TBC1D4: variants seen among roughly 807,000 people sequenced by gnomAD.
TBC1D4 encodes the protein TBC1 domain family member 4, also known as TBC (Tre-2, BUB2, CDC16) domain-containing protein.
TBC1D4 carries 121 observed loss-of-function variants against 142.5 expected under a neutral mutation model. The ratio of observed to expected loss-of-function variants is 0.85; its 90% confidence interval spans 0.73 to 0.99. TBC1D4 has a LOEUF of 0.99. Among genes scored for constraint, TBC1D4 ranks in the 50% least tolerant of loss-of-function variants. The pLI, the probability that TBC1D4 is intolerant of heterozygous loss-of-function variation, is 0.00. For missense variants in TBC1D4, 1,475 were observed against 1,606.6 expected (o/e 0.92, Z 1.40); for synonymous variants, 630 against 628.2 (o/e 1.00, Z -0.04).
At chr13:75,407,505 A>C (rs887927017) in intron 1 of TBC1D4, among the ~76,000 whole-genome samples, 1 of 152,248 alleles carries the variant, frequency 6.6e-6, no homozygotes, top group Admixed American at 6.5e-5. Context: ...GACAACATTT[A>C]CAACAAAATT....
intron 20 of TBC1D4, 51 bp downstream of exon 20, chr13:75,288,883 G>T: frequency 6.4e-7 from 1 of 1,568,392 alleles, no homozygotes; most frequent in Non-Finnish European, 8.8e-7. Flanking sequence ...GTAGTTCTGT[G>T]CATGCAGGAG....
At chr13:75,318,911 G>A (rs2137973160) in intron 12 of TBC1D4, among the ~76,000 whole-genome samples, 1 of 152,050 alleles carries the variant, frequency 6.6e-6, no homozygotes, top group East Asian at 1.9e-4. Context: ...ATATCCTTAT[G>A]ACCTAAGCTG....
At position 75,299,435 on chromosome 13, in the gene TBC1D4, G is replaced by A. The variant is rs768936828; in HGVS notation, c.3051C>T (p.Val1017=). ...GCTCTTCACTCATGTGCAGAAGCAG[G>A]ACTCCAGCCACAAAGCTGATCCCCT... ...YCQGISFVAG[V]LLLHMSEEQA... Residue 1017 remains valine (V), a synonymous_variant, in exon 17 of 21, where the codon GTC becomes GTT. Coordinates refer to ENST00000377636, the MANE Select transcript of TBC1D4 (RefSeq NM_014832.5). 1.2e-5 allele frequency: 19 copies of A among 1,614,062 alleles called. No homozygotes were observed. Among genetic ancestry groups the A allele is most frequent in the Non-Finnish European group, 1.4e-5 (17 of 1,180,024 alleles).
In TBC1D4 at chr13:75,341,102, T is replaced by C. The variant is rs778872652; in HGVS notation, c.1611+23A>G. The C allele has an allele frequency of 5.1e-6, 8 of 1,575,346 alleles. No individual in the cohort carries two copies. In the Middle Eastern group the frequency reaches 5.0e-4, roughly 98 times the overall value. ...ATTATTAAACAACAACAAAAGTAGG[T>C]GAAGTAGGAAATATCTTCTCACAGA... On this transcript the variant is annotated intron_variant, in intron 7 of 20. Transcript: ENST00000377636.
At chr13:75,368,194 G>A (rs1468375109) in intron 1 of TBC1D4, among the ~76,000 whole-genome samples, 2 of 152,120 alleles carry the variant, frequency 1.3e-5, no homozygotes, top group East Asian at 1.9e-4. Flanking sequence ...TGATAGAACT[G>A]TAAAACTGTA....
rs137955524 is a variant in TBC1D4 at position 75,410,662 on chromosome 13, C to A, written c.499-48055G>T. 7.4e-3 allele frequency among the ~76,000 whole-genome samples: 1,123 copies of A among 152,150 alleles called. 21 individuals carry two copies. The highest frequency in any genetic ancestry group is 0.025 in the African/African-American group (1,050 of 41,502). The stretch of plus-strand genomic sequence containing the variant: ...TAGAAATACCGAAGGGGAGGCCGGG[C>A]GCGGTGGCTCACGCCTGTAATCCCA... On this transcript the variant is annotated intron_variant, in intron 1 of 20. Coordinates refer to ENST00000377636, the MANE Select transcript of TBC1D4 (RefSeq NM_014832.5).
At chr13:75,410,753 G>A (rs952927738) in intron 1 of TBC1D4, among the ~76,000 whole-genome samples, 3 of 151,154 alleles carry the variant, frequency 2.0e-5, no homozygotes, top group East Asian at 3.9e-4. Flanking sequence ...TGGCTAACAC[G>A]GTGAAACCCC....
chr13:75,437,529 T>C (rs186936374), intron 1 of TBC1D4, among the ~76,000 whole-genome samples: 19 of 152,300 alleles, frequency 1.2e-4, no homozygotes, highest in Admixed American at 2.6e-4. Flanking sequence ...ACTTTAGTTG[T>C]CCACAGTATC....
rs1220486936 is a variant in TBC1D4, at chr13:75,285,843, A to G, written c.*949T>C. 1 of 152,642 alleles carries G rather than the reference A, an allele frequency of 6.6e-6. No homozygotes were observed. The highest frequency in any genetic ancestry group is 2.4e-5 in the African/African-American group (1 of 41,470). The allele number at this position is 152,642 out of a possible 1,614,324, so 9.5% of individuals were successfully genotyped here. On this transcript the variant is annotated 3_prime_UTR_variant, in exon 21 of 21. Coordinates refer to ENST00000377636, the MANE Select transcript of TBC1D4 (RefSeq NM_014832.5). ...TTAAGGTAGAGAGACCTAAATTACA[A>G]GCACTCACAATTTGGTGGGAAAGTG... is the stretch of plus-strand genomic sequence containing the variant.
chr13:75,374,773 T>C (rs1883411422), intron 1 of TBC1D4, among the ~76,000 whole-genome samples: 1 of 152,150 alleles, frequency 6.6e-6, no homozygotes, highest in African/African-American at 2.4e-5. Flanking sequence ...CCTCATTTTT[T>C]TTTCACACAT....
intron 4 of TBC1D4, among the ~76,000 whole-genome samples, chr13:75,349,628 C>T (rs1593772037): frequency 6.6e-6 from 1 of 152,176 alleles, no homozygotes; most frequent in Non-Finnish European, 1.5e-5. Context: ...TAATTATATG[C>T]TTTATCAGAT....
At chr13:75,347,115 C>G (rs1327240499) in intron 5 of TBC1D4, among the ~76,000 whole-genome samples, 1 of 150,844 alleles carries the variant, frequency 6.6e-6, no homozygotes, top group African/African-American at 2.4e-5. Flanking sequence ...AACTGTCCCC[C>G]CAAAATGGCT....
At chr13:75,413,278 C>T (rs568366244) in intron 1 of TBC1D4, among the ~76,000 whole-genome samples, 10 of 152,140 alleles carry the variant, frequency 6.6e-5, no homozygotes, top group African/African-American at 2.2e-4. Context: ...TCTCTTGCCT[C>T]AGCCTCCCGA....
chr13:75,291,065 C>G (rs1184977740), intron 19 of TBC1D4, among the ~76,000 whole-genome samples: 2 of 152,228 alleles, frequency 1.3e-5, no homozygotes, highest in Non-Finnish European at 2.9e-5. Flanking sequence ...TACCACTCAC[C>G]TGGTCCCTAT....
intron 1 of TBC1D4, among the ~76,000 whole-genome samples, chr13:75,479,844 CCATAAA>C (rs1242646436): frequency 2.0e-5 from 3 of 152,036 alleles, no homozygotes; most frequent in African/African-American, 7.2e-5. Context: ...CGATATTTTG[CCATAAA>C]CATAACAGTT....
chr13:75,417,491 T>C (rs986374412), intron 1 of TBC1D4, among the ~76,000 whole-genome samples: 2 of 151,608 alleles, frequency 1.3e-5, no homozygotes, highest in African/African-American at 2.4e-5. Flanking sequence ...ATAAGAGTCA[T>C]AAAAATGAAA....
chr13:75,424,512 AT>A (rs1211368210), intron 1 of TBC1D4, among the ~76,000 whole-genome samples: 1 of 152,128 alleles, frequency 6.6e-6, no homozygotes, highest in African/African-American at 2.4e-5. Context: ...TAAAAAAAAA[AT>A]CTTAAGATTC....
In TBC1D4 at chr13:75,341,725, A is replaced by G. The variant is rs1042584240; in HGVS notation, c.1409-138T>C. ...TCAAGGAGACGTGTTCCTGCCTACA[A>G]GAAACCTTGGAATACTACATTGAAA... is the stretch of plus-strand genomic sequence containing the variant. On this transcript the variant is annotated intron_variant, in intron 5 of 20. Coordinates refer to ENST00000377636, the MANE Select transcript of TBC1D4 (RefSeq NM_014832.5). 5.5e-6 allele frequency: 4 copies of G among 722,734 alleles called. 1 individual carries two copies. The Admixed American group carries it at 8.3e-5, about 15-fold the overall frequency. The allele number at this position is 722,734 out of a possible 1,614,324, so 44.8% of individuals were successfully genotyped here. A position where few individuals can be genotyped will look rare whatever the true frequency, so the allele number is the denominator to read the frequency against.
At chr13:75,433,864 G>T (rs1038480982) in intron 1 of TBC1D4, among the ~76,000 whole-genome samples, 1 of 152,086 alleles carries the variant, frequency 6.6e-6, no homozygotes, top group African/African-American at 2.4e-5. Context: ...GACATGAACA[G>T]ACACTTCTCA....
Sources: allele counts gnomAD v4.1 joint callset (sites outside exome capture counted in the v4.1 genomes callset), GRCh38; gene constraint gnomAD v4.1.1; transcripts MANE v1.5; gene names NCBI Gene and HGNC (gene_info 2026-07-23, HGNC 2026-07-21).